Variants in MYO3B observed in about 807,000 individuals in gnomAD.
MYO3B encodes myosin IIIB, also known as myosin-IIIb.
A neutral mutation model predicts 174.6 loss-of-function variants in MYO3B; 156 were observed. The observed-to-expected ratio is 0.89, with a 90% CI of 0.78 to 1.02. The LOEUF (loss-of-function observed/expected upper bound fraction) is 1.02. MYO3B is among the 50% of genes least tolerant of loss of function. The pLI is 0.00. For missense variants in MYO3B, 1,632 were observed against 1,639.4 expected, an observed-to-expected ratio of 1.00 and a Z score of 0.08; for synonymous variants, 563 against 569.1, an observed-to-expected ratio of 0.99 and a Z score of 0.15.
chr2:170,207,295 G>T (rs1449152386), intron 3 of MYO3B, among the ~76,000 whole-genome samples: 1 of 152,150 alleles, frequency 6.6e-6, no homozygotes, highest in African/African-American at 2.4e-5. Flanking sequence ...GCTGGCCAAA[G>T]GGGCCATCAT....
intron 32 of MYO3B, among the ~76,000 whole-genome samples, chr2:170,565,254 C>G (rs1307696994): frequency 1.3e-5 from 2 of 152,170 alleles, no homozygotes; most frequent in East Asian, 3.8e-4. Context: ...TTTTGTAGAG[C>G]AATCTGCCAA....
chr2:170,187,511 G>C (rs896802627), intron 1 of MYO3B, among the ~76,000 whole-genome samples: 5 of 152,150 alleles, frequency 3.3e-5, no homozygotes, highest in African/African-American at 1.2e-4. Flanking sequence ...TTACAGGTGT[G>C]AGCCACTGTG....
chr2:170,386,539 G>A (rs773663322), intron 13 of MYO3B, among the ~76,000 whole-genome samples: 1 of 152,128 alleles, frequency 6.6e-6, no homozygotes, highest in Non-Finnish European at 1.5e-5. Context: ...GAAACATTCA[G>A]CCATTAAGTA....
At chr2:170,212,969 G>A (rs2092788517) in intron 3 of MYO3B, among the ~76,000 whole-genome samples, 1 of 152,190 alleles carries the variant, frequency 6.6e-6, no homozygotes, top group Non-Finnish European at 1.5e-5. Flanking sequence ...TTAGAATCTG[G>A]TGAAAGCTCT....
chr2:170,439,249 G>A (rs1205404103), intron 22 of MYO3B, among the ~76,000 whole-genome samples: 1 of 151,680 alleles, frequency 6.6e-6, no homozygotes, highest in Admixed American at 6.6e-5. Flanking sequence ...GTGGGCGCCT[G>A]TAGTCCCAGC....
intron 7 of MYO3B, among the ~76,000 whole-genome samples, chr2:170,242,304 G>A (rs1433759870): frequency 1.3e-5 from 2 of 152,316 alleles, no homozygotes; most frequent in Admixed American, 6.5e-5. Context: ...TATGTTTTAT[G>A]TATCTTTTTC....
At chr2:170,628,885 A>T (rs1575289221) in intron 32 of MYO3B, among the ~76,000 whole-genome samples, 1 of 152,276 alleles carries the variant, frequency 6.6e-6, no homozygotes, top group Non-Finnish European at 1.5e-5. Context: ...AGTCTTTCCC[A>T]GGAACCCTAT....
intron 23 of MYO3B, among the ~76,000 whole-genome samples, chr2:170,450,321 GA>G (rs944472741): frequency 6.6e-6 from 1 of 152,142 alleles, no homozygotes; most frequent in African/African-American, 2.4e-5. Flanking sequence ...AATTAGGTCA[GA>G]AAAAGACATA....
At chr2:170,221,133 T>C (rs1027471687) in intron 6 of MYO3B, among the ~76,000 whole-genome samples, 4 of 152,118 alleles carry the variant, frequency 2.6e-5, no homozygotes, top group African/African-American at 9.7e-5. Flanking sequence ...ATTAACACTG[T>C]CTTCATATGA....
chr2:170,292,236 A>C (rs2093601389), intron 7 of MYO3B, among the ~76,000 whole-genome samples: 1 of 152,072 alleles, frequency 6.6e-6, no homozygotes, highest in African/African-American at 2.4e-5. Flanking sequence ...ATTTCAGCAA[A>C]TGTATTTCTC....
intron 32 of MYO3B, among the ~76,000 whole-genome samples, chr2:170,608,161 T>C (rs910296398): frequency 3.9e-5 from 6 of 152,194 alleles, no homozygotes; most frequent in African/African-American, 1.4e-4. Flanking sequence ...TGAGCCAAGA[T>C]TGGGCCACTG....
Position 170,314,682 on chromosome 2 carries a change from A to G in MYO3B, c.750-20703A>G, listed in dbSNP as rs150801582. ...TCAAATAAAGAACTATGTATTTTAAACTAAATGTTTTGTGATGGCTATGGG... is the reference window on the plus strand; with the variant it reads ...TCAAATAAAGAACTATGTATTTTAAGCTAAATGTTTTGTGATGGCTATGGG... On this transcript the variant is annotated intron_variant, in intron 7 of 34. Coordinates refer to ENST00000408978, the MANE Select transcript of MYO3B (RefSeq NM_138995.5). 3.4e-4 allele frequency among the ~76,000 whole-genome samples: 52 copies of G among 152,354 alleles called. No homozygotes were observed. In the East Asian group the frequency reaches 9.2e-3, roughly 27 times the overall value.
intron 34 of MYO3B, 131 bp from the exon 35 acceptor site, chr2:170,652,852 G>C: frequency 2.2e-6 from 2 of 924,326 alleles, no homozygotes; most frequent in South Asian, 3.2e-5. Context: ...AGCTACCTAG[G>C]AGCTGTCCTT....
At chr2:170,262,641 T>G (rs2093353899) in intron 7 of MYO3B, among the ~76,000 whole-genome samples, 1 of 152,188 alleles carries the variant, frequency 6.6e-6, no homozygotes, top group East Asian at 1.9e-4. Flanking sequence ...AAATCAAAGC[T>G]GATCCTTGTC....
chr2:170,361,904 C>T lies in MYO3B; in HGVS notation c.816-7318C>T, dbSNP rs180788893. ...ATCTAGAATTTTTGTTACCACATCT[C>T]CTTCCCTAAGAACATAGTCAGTTAG... On this transcript the variant is annotated intron_variant, in intron 8 of 34. Coordinates refer to ENST00000408978, the MANE Select transcript of MYO3B (RefSeq NM_138995.5). Among the ~76,000 whole-genome samples the T allele has an allele frequency of 3.1e-3, 477 of 152,324 alleles. 6 individuals carry two copies. The highest frequency in any genetic ancestry group is 8.5e-3 in the Admixed American group (130 of 15,300).
chr2:170,403,028 T>C (rs1269488655), intron 19 of MYO3B, 33 bp downstream of exon 19: 1 of 1,544,466 alleles, frequency 6.5e-7, no homozygotes, highest in South Asian at 1.2e-5. Context: ...CTAAACTTGA[T>C]GGGGAAAAGG....
At chr2:170,180,050 A>G (rs2092378100) in intron 1 of MYO3B, 1 of 267,740 alleles carries the variant, frequency 3.7e-6, no homozygotes, top group African/African-American at 2.2e-5. Context: ...AGCAATGGAA[A>G]TCTTCATCAT....
At chr2:170,540,951 A>G (rs181692781) in intron 30 of MYO3B, among the ~76,000 whole-genome samples, 159 of 152,326 alleles carry the variant, frequency 1.0e-3, no homozygotes, top group African/African-American at 3.7e-3. Flanking sequence ...AGGCTAATCT[A>G]GTATTTTCTA....
At chr2:170,197,768 G>A (rs907730475) in intron 1 of MYO3B, among the ~76,000 whole-genome samples, 3 of 151,934 alleles carry the variant, frequency 2.0e-5, no homozygotes, top group Non-Finnish European at 4.4e-5. Flanking sequence ...GAATGGGATT[G>A]GAATTTATTA....
Sources: gnomAD v4.1 joint callset for allele counts (sites outside exome capture counted in the v4.1 genomes callset) on GRCh38, gnomAD v4.1.1 for gene constraint, MANE v1.5 for transcripts, NCBI Gene and HGNC (gene_info 2026-07-23, HGNC 2026-07-21) for gene names.